The following GRK7 variants were observed in gnomAD, a reference collection of about 807,000 sequenced individuals.
GRK7 encodes the protein rhodopsin kinase GRK7.
Under a neutral mutation model 34.1 loss-of-function variants are expected in GRK7, and 24 were observed. The observed-to-expected ratio is 0.70, with a 90% confidence interval of 0.51 to 0.99. The LOEUF (loss-of-function observed/expected upper bound fraction) is 0.99, where lower values mean the gene tolerates loss of function less well. GRK7 is among the 50% of genes least tolerant of loss of function. The probability of loss-of-function intolerance (pLI) is 0.00; values close to 1 mark genes in which losing one functional copy is unlikely to be tolerated. For synonymous variants in GRK7, 256 were observed against 279.4 expected (o/e 0.92, Z 0.84); for missense variants, 644 against 707.3 (o/e 0.91, Z 1.02).
chr3:141,809,575 G>A (rs920101281), intron 5 of GRK7, among the ~76,000 whole-genome samples: 1 of 152,104 alleles, frequency 6.6e-6, no homozygotes, highest in African/African-American at 2.4e-5. Flanking sequence ...GTGCATGCCT[G>A]TAGTCCCAGC....
At chr3:141,782,462 A>AG (rs1328377398) in intron 4 of GRK7, among the ~76,000 whole-genome samples, 1 of 152,190 alleles carries the variant, frequency 6.6e-6, no homozygotes, top group Non-Finnish European at 1.5e-5. Flanking sequence ...TTCCTGTAGA[A>AG]GGGACAGGCA....
chr3:141,800,919 A>G (rs576000538), intron 4 of GRK7, among the ~76,000 whole-genome samples: 133 of 152,308 alleles, frequency 8.7e-4, no homozygotes, highest in Admixed American at 1.4e-3. Context: ...AGAACTGTAC[A>G]CGTTATTGTA....
chr3:141,754,392 C>T, the GRK7 span, among the ~76,000 whole-genome samples: 2 of 149,060 alleles, frequency 1.3e-5, no homozygotes, highest in African/African-American at 4.9e-5. Context: ...TTTAGCAAGA[C>T]ATTGACTTGT....
rs1222098836 is a variant in GRK7 at position 141,778,334 on chromosome 3, TG to T, written c.51del (p.Gln18ArgfsTer37). The T allele has an allele frequency of 6.2e-7, 1 of 1,603,550 alleles. No homozygotes were observed. The highest frequency in any genetic ancestry group is 8.5e-7 in the Non-Finnish European group (1 of 1,173,246). On this transcript the variant is annotated frameshift_variant, in exon 3 of 6. Coordinates refer to ENST00000682958, the MANE Select transcript of GRK7 (RefSeq NM_139209.3). LOFTEE classifies it high-confidence loss of function. The surrounding 1 kb of genome is among the most constrained non-coding windows in gnomAD (Gnocchi z 4.1). ...LDNLIANTAY[L>X]QARKPSDCDS... ...AACCTGATCGCCAACACCGCCTACC[TG>T]CAGGCCCGGAAGCCCTCGGACTGCG...
At chr3:141,768,602 A>G (rs2084601176) in intron 1 of GRK7, among the ~76,000 whole-genome samples, 1 of 152,074 alleles carries the variant, frequency 6.6e-6, no homozygotes, top group African/African-American at 2.4e-5. Context: ...TAACAAGCAC[A>G]AGACACTACC....
chr3:141,767,462 C>T (rs955618672), intron 1 of GRK7, among the ~76,000 whole-genome samples: 4 of 151,672 alleles, frequency 2.6e-5, no homozygotes, highest in African/African-American at 4.8e-5. Flanking sequence ...AGTGCAGTAG[C>T]GTGATCTCAG....
At chr3:141,808,558 C>A (rs767469651) in intron 5 of GRK7, among the ~76,000 whole-genome samples, 3 of 151,790 alleles carry the variant, frequency 2.0e-5, no homozygotes, top group Non-Finnish European at 2.9e-5. Context: ...AATAAAACTA[C>A]AAAAATTAGC....
intron 4 of GRK7, among the ~76,000 whole-genome samples, chr3:141,783,507 G>A (rs2084681550): frequency 6.6e-6 from 1 of 152,168 alleles, no homozygotes; most frequent in African/African-American, 2.4e-5. Flanking sequence ...AGGATTTCAG[G>A]GAGGAAAGTG....
At chr3:141,752,535 TG>T in the GRK7 span, among the ~76,000 whole-genome samples, 1 of 152,226 alleles carries the variant, frequency 6.6e-6, no homozygotes, top group Non-Finnish European at 1.5e-5. Context: ...GATAATATTT[TG>T]GGGAAGTTAG....
At chr3:141,814,752 CT>C (rs1042382090) in intron 5 of GRK7, among the ~76,000 whole-genome samples, 3 of 152,100 alleles carry the variant, frequency 2.0e-5, no homozygotes, top group Admixed American at 2.0e-4. Context: ...AATAGGATTG[CT>C]GGGTCAAATG....
In GRK7 at chr3:141,807,629, GT is replaced by G; in HGVS notation, c.1051-13del. On this transcript the variant is annotated splice_polypyrimidine_tract_variant and intron_variant, in intron 4 of 5. Transcript: ENST00000682958. ...TTTGTTCTGTGTTGTCTTGTTTTTT[GT>G]TTGGGATGTTACAGGCTGGAACCAA... 3 of 1,609,122 alleles carry G rather than the reference GT, an allele frequency of 1.9e-6. No individual in the cohort carries two copies. Among genetic ancestry groups the G allele is most frequent in the African/African-American group, 2.7e-5 (2 of 74,618 alleles).
intron 5 of GRK7, among the ~76,000 whole-genome samples, chr3:141,809,921 G>A (rs960000094): frequency 6.6e-6 from 1 of 152,048 alleles, no homozygotes; most frequent in African/African-American, 2.4e-5. Context: ...GGGGGTTGTG[G>A]GTGTGATGGT....
At chr3:141,800,259 G>A (rs1252825636) in intron 4 of GRK7, among the ~76,000 whole-genome samples, 1 of 151,886 alleles carries the variant, frequency 6.6e-6, no homozygotes, top group Non-Finnish European at 1.5e-5. Flanking sequence ...GGTGGGGTAT[G>A]GAGATATCCC....
At chr3:141,784,411 C>T (rs533640902) in intron 4 of GRK7, among the ~76,000 whole-genome samples, 4 of 152,238 alleles carry the variant, frequency 2.6e-5, no homozygotes, top group South Asian at 4.1e-4. Flanking sequence ...GGGCCTGCCA[C>T]GGAAGCCCAG....
Position 141,780,574 on chromosome 3 carries a change from G to T in GRK7, c.813G>T (p.Met271Ile), listed in dbSNP as rs772886893. 12 of 1,614,122 alleles carry T rather than the reference G, an allele frequency of 7.4e-6. No individual in the cohort carries two copies. The African/African-American group carries it at 1.2e-4, about 16-fold the overall frequency. Reference sequence around the variant, plus strand: ...ATCTCTGCCTTGTCATGAGCCTGATGAATGGGGGAGACCTCAAGTTCCACA... The same window carrying T: ...ATCTCTGCCTTGTCATGAGCCTGATTAATGGGGGAGACCTCAAGTTCCACA... ...KTHLCLVMSLMNGGDLKFHIY... is the reference protein window; with the variant it reads ...KTHLCLVMSLINGGDLKFHIY... The change falls in exon 4 of 6, where the codon ATG becomes ATT. Residue 271 changes from methionine (M) to isoleucine (I), a missense_variant. Transcript: ENST00000682958.
Position 141,778,596 on chromosome 3 carries a change from C to T in GRK7, c.312C>T (p.Ser104=). The T allele has an allele frequency of 6.2e-7, 1 of 1,612,712 alleles. No individual in the cohort carries two copies. ...ELAEEGPTKD[S]ALQGLVATCA... ...CCGAGGAGGGACCCACCAAAGACAG[C>T]GCGCTGCAGGGGCTGGTGGCCACTT... Residue 104 remains serine (S), a synonymous_variant, in exon 3 of 6, where the codon AGC becomes AGT. Transcript: ENST00000682958. The surrounding 1 kb of genome is among the most constrained non-coding windows in gnomAD (Gnocchi z 4.1).
chr3:141,815,924 A>G (rs1250113946), intron 5 of GRK7, among the ~76,000 whole-genome samples: 3 of 152,180 alleles, frequency 2.0e-5, no homozygotes, highest in Non-Finnish European at 4.4e-5. Flanking sequence ...AGAGACTCTG[A>G]GACAGAGACA....
chr3:141,786,324 A>G (rs991035818), intron 4 of GRK7, among the ~76,000 whole-genome samples: 1 of 152,200 alleles, frequency 6.6e-6, no homozygotes, highest in African/African-American at 2.4e-5. Flanking sequence ...TGACAATGGT[A>G]TGGTAGACAA....
chr3:141,758,354 G>A, the GRK7 span, among the ~76,000 whole-genome samples: 52 of 4,090 alleles, frequency 0.013, 1 homozygote, highest in East Asian at 0.029. Flanking sequence ...AAGGGATCCA[G>A]TTTCAGCTTT....
Sources: gnomAD v4.1 joint callset for allele counts (sites outside exome capture counted in the v4.1 genomes callset) on GRCh38, gnomAD v4.1.1 for gene constraint, Gnocchi (gnomAD v3.1) non-coding constraint, MANE v1.5 for transcripts, NCBI Gene and HGNC (gene_info 2026-07-23, HGNC 2026-07-21) for gene names.